TCF4: variants seen among roughly 807,000 people sequenced by gnomAD.
TCF4 encodes SL3-3 enhancer factor 2.
Under a neutral mutation model 82.1 loss-of-function variants are expected in TCF4, and 3 were observed. That is an observed-to-expected ratio of 0.04 (90% CI 0.02 to 0.09). TCF4 has a LOEUF of 0.09. Among genes scored for constraint, TCF4 ranks in the 10% least tolerant of loss-of-function variants. The pLI is 1.00. For missense variants in TCF4, 518 were observed against 852.7 expected, an observed-to-expected ratio of 0.61 and a Z score of 4.89; for synonymous variants, 276 against 309.6, an observed-to-expected ratio of 0.89 and a Z score of 1.14.
chr18:55,253,562 C>A (rs1318338242), intron 15 of TCF4, among the ~76,000 whole-genome samples: 1 of 151,992 alleles, frequency 6.6e-6, no homozygotes, highest in Non-Finnish European at 1.5e-5. Context: ...AGAATTATCT[C>A]CAAAATCCTT....
chr18:55,288,308 T>G (rs777635748), intron 8 of TCF4, among the ~76,000 whole-genome samples: 5 of 152,228 alleles, frequency 3.3e-5, no homozygotes, highest in Non-Finnish European at 4.4e-5. Context: ...TGTTTACACC[T>G]ATCAGCTCTA....
chr18:55,522,652 T>C (rs2096942307), intron 3 of TCF4, among the ~76,000 whole-genome samples: 1 of 152,110 alleles, frequency 6.6e-6, no homozygotes, highest in Admixed American at 6.6e-5. Flanking sequence ...TGAAAAGTTC[T>C]CTTACAATAA....
At chr18:55,537,134 G>GAAAAAA (rs1568343265) in intron 3 of TCF4, among the ~76,000 whole-genome samples, 2 of 113,200 alleles carry the variant, frequency 1.8e-5, no homozygotes, top group Admixed American at 1.0e-4. Flanking sequence ...ACTCCGTCTC[G>GAAAAAA]GAAAAAAAAA....
intron 5 of TCF4, among the ~76,000 whole-genome samples, chr18:55,415,300 G>A (rs936952781): frequency 2.0e-5 from 3 of 151,866 alleles, no homozygotes; most frequent in African/African-American, 4.8e-5. Context: ...ACAAATTAAC[G>A]GCCATACTCA....
intron 13 of TCF4, among the ~76,000 whole-genome samples, chr18:55,259,073 C>G (rs866149462): frequency 6.6e-6 from 1 of 152,290 alleles, no homozygotes; most frequent in South Asian, 2.1e-4. Context: ...TGTGAAACCT[C>G]CTGTCCTCGA....
intron 8 of TCF4, among the ~76,000 whole-genome samples, chr18:55,289,101 G>A (rs1310372764): frequency 6.6e-6 from 1 of 152,130 alleles, no homozygotes; most frequent in East Asian, 1.9e-4. Context: ...TGAGTACCTT[G>A]GCCCTAGCTG....
chr18:55,458,204 G>A (rs2924321), intron 5 of TCF4, among the ~76,000 whole-genome samples: 66,531 of 152,124 alleles, frequency 0.44, 16,583 homozygotes, highest in Admixed American at 0.55. Context: ...CAATAAAGTG[G>A]CTGATTTATT....
At chr18:55,321,709 C>T (rs1382189902) in intron 8 of TCF4, 1 of 1,536,134 alleles carries the variant, frequency 6.5e-7, no homozygotes, top group Admixed American at 2.0e-5. Flanking sequence ...AGTTGCCGCC[C>T]ATGCCCGGGA....
chr18:55,455,179 CAAAAAAA>C (rs35889370), intron 5 of TCF4, among the ~76,000 whole-genome samples: 91 of 67,462 alleles, frequency 1.3e-3, no homozygotes, highest in African/African-American at 3.9e-3. Flanking sequence ...GACTCTGTCT[CAAAAAAA>C]AAAAAAAAAA....
intron 3 of TCF4, among the ~76,000 whole-genome samples, chr18:55,509,201 T>A (rs55812411): frequency 0.19 from 29,103 of 152,054 alleles, 3,144 homozygotes; most frequent in East Asian, 0.47. Flanking sequence ...AAAGGAGTAC[T>A]AGACACAGGG....
In TCF4 at chr18:55,568,179, A is replaced by C. The variant is rs200920268; in HGVS notation, c.145+17101T>G. On this transcript the variant is annotated intron_variant, in intron 3 of 19. Coordinates refer to ENST00000354452, the MANE Select transcript of TCF4 (RefSeq NM_001083962.2). ...CAACTCTATTTAGAAAAAAAAAAAA[A>C]CAGAATAATAAGCCTAAGTACATAG... Among the ~76,000 whole-genome samples, 28 of 151,076 alleles carry C rather than the reference A, an allele frequency of 1.9e-4. No homozygotes were observed. The East Asian group carries it at 4.8e-3, about 26-fold the overall frequency.
intron 8 of TCF4, among the ~76,000 whole-genome samples, chr18:55,341,404 A>G (rs2079931962): frequency 1.3e-5 from 2 of 152,242 alleles, no homozygotes; most frequent in South Asian, 4.1e-4. Flanking sequence ...CACTTAGAAC[A>G]TGGAATAAGT....
rs9950922 is a variant in TCF4, at chr18:55,545,174, A to G, written c.145+40106T>C. On this transcript the variant is annotated intron_variant, in intron 3 of 19. Coordinates refer to ENST00000354452, the MANE Select transcript of TCF4 (RefSeq NM_001083962.2). ...GCAAAACAGGGATCTGCTACTTCACAAAACAGTTGTGAAGACTGACTTACA... is the reference window on the plus strand; with the variant it reads ...GCAAAACAGGGATCTGCTACTTCACGAAACAGTTGTGAAGACTGACTTACA... Among the ~76,000 whole-genome samples the G allele has an allele frequency of 7.7e-3, 1,174 of 152,334 alleles. 20 individuals are homozygous for G. The highest frequency in any genetic ancestry group is 0.027 in the African/African-American group (1,127 of 41,572).
Position 55,225,060 on chromosome 18 carries a change from C to T in TCF4, c.*2975G>A, listed in dbSNP as rs140889470. 1 of 152,254 alleles carries T rather than the reference C, an allele frequency of 6.6e-6. No individual in the cohort carries two copies. Among genetic ancestry groups the T allele is most frequent in the African/African-American group, 2.4e-5 (1 of 41,566 alleles). 9.4% of individuals were successfully genotyped at this position (152,254 alleles called of 1,614,324 possible). A position where few individuals can be genotyped will look rare whatever the true frequency, so the allele number is the denominator to read the frequency against. On this transcript the variant is annotated 3_prime_UTR_variant, in exon 20 of 20. Transcript: ENST00000354452. ...CAAAACAACAACAATAAAAAACACACTAAAAAGGCCACATTCCCTTTTTTT... is the reference window on the plus strand; with the variant it reads ...CAAAACAACAACAATAAAAAACACATTAAAAAGGCCACATTCCCTTTTTTT...
intron 3 of TCF4, among the ~76,000 whole-genome samples, chr18:55,536,556 G>C (rs978715088): frequency 6.6e-6 from 1 of 152,228 alleles, no homozygotes; most frequent in East Asian, 1.9e-4. Context: ...TCAGAAAAAC[G>C]TATCGGAAGA....
At position 55,478,522 on chromosome 18, in the gene TCF4, T is replaced by C. The variant is rs2096349937; in HGVS notation, c.146-14385A>G. Among the ~76,000 whole-genome samples, 7 of 152,268 alleles carry C rather than the reference T, an allele frequency of 4.6e-5. No homozygotes were observed. The South Asian group carries it at 1.5e-3, about 32-fold the overall frequency. ...AAATTGTTCAGCTACTCAAAACTGTTGGGCCAAATTCTGGGAGGCAAGTGG... is the reference window on the plus strand; with the variant it reads ...AAATTGTTCAGCTACTCAAAACTGTCGGGCCAAATTCTGGGAGGCAAGTGG... On this transcript the variant is annotated intron_variant, in intron 3 of 19. Transcript: ENST00000354452.
chr18:55,497,458 T>C (rs1478552646), intron 3 of TCF4, among the ~76,000 whole-genome samples: 3 of 152,166 alleles, frequency 2.0e-5, no homozygotes, highest in Non-Finnish European at 4.4e-5. Flanking sequence ...CAAACTATTA[T>C]ATACGGCATG....
At chr18:55,589,858 G>A (rs1409721904), upstream of TCF4, 2 of 1,000,386 alleles carry the variant, frequency 2.0e-6, no homozygotes, top group Non-Finnish European at 2.4e-6. Context: ...ACTGGGAAGG[G>A]GCGGGGCGGG....
At chr18:55,576,416 C>G (rs1027565046) in intron 3 of TCF4, among the ~76,000 whole-genome samples, 1 of 152,130 alleles carries the variant, frequency 6.6e-6, no homozygotes, top group South Asian at 2.1e-4. Flanking sequence ...GAGTGAAACG[C>G]AAACTCAGTC....
Sources: allele counts gnomAD v4.1 joint callset (sites outside exome capture counted in the v4.1 genomes callset), GRCh38; gene constraint gnomAD v4.1.1; transcripts MANE v1.5; gene names NCBI Gene and HGNC (gene_info 2026-07-23, HGNC 2026-07-21).